The following TMC1 variants were observed in gnomAD, a reference collection of about 807,000 sequenced individuals.
TMC1 encodes transmembrane channel-like protein 1.
In TMC1, 84 loss-of-function variants were observed where a neutral mutation model predicts 105.8. The ratio of observed to expected loss-of-function variants is 0.79; its 90% CI spans 0.67 to 0.95. The LOEUF (loss-of-function observed/expected upper bound fraction) is 0.95, where lower values mean the gene tolerates loss of function less well. Among genes scored for constraint, TMC1 ranks in the 40% least tolerant of loss-of-function variants. The pLI, the probability that TMC1 is intolerant of heterozygous loss-of-function variation, is 0.00. For synonymous variants in TMC1, 315 were observed against 311.5 expected (o/e 1.01, Z -0.12); for missense variants, 817 against 914.1 (o/e 0.89, Z 1.37).
intron 12 of TMC1, among the ~76,000 whole-genome samples, chr9:72,758,498 A>G (rs1401060406): frequency 6.6e-6 from 1 of 152,238 alleles, no homozygotes; most frequent in African/African-American, 2.4e-5. Flanking sequence ...TTCAAATGAG[A>G]TGCTGTCTTG....
At chr9:72,828,913 T>G (rs1427337044) in intron 21 of TMC1, among the ~76,000 whole-genome samples, 1 of 152,220 alleles carries the variant, frequency 6.6e-6, no homozygotes, top group East Asian at 1.9e-4. Context: ...ATTAAGTAAT[T>G]ACTAATAATA....
intron 13 of TMC1, among the ~76,000 whole-genome samples, chr9:72,787,007 T>C (rs1211846997): frequency 6.6e-6 from 1 of 151,720 alleles, no homozygotes; most frequent in East Asian, 1.9e-4. Flanking sequence ...CTTTCAACCC[T>C]TTTGGCCTCC....
intron 1 of TMC1, among the ~76,000 whole-genome samples, chr9:72,569,515 G>A (rs536430690): frequency 6.6e-6 from 1 of 152,328 alleles, no homozygotes; most frequent in East Asian, 1.9e-4. Context: ...TAAGAATCAG[G>A]AAAGTTTTCA....
chr9:72,612,479 AT>A (rs34440125), intron 2 of TMC1, among the ~76,000 whole-genome samples: 63 of 147,022 alleles, frequency 4.3e-4, no homozygotes, highest in Admixed American at 1.6e-3. Context: ...CGGCCCAAAC[AT>A]TTTTTTTTTT....
At chr9:72,657,003 T>C (rs1250181080) in intron 5 of TMC1, among the ~76,000 whole-genome samples, 2 of 152,242 alleles carry the variant, frequency 1.3e-5, no homozygotes, top group Non-Finnish European at 2.9e-5. Context: ...GACACTGTTC[T>C]GCATACTCTT....
In TMC1 at chr9:72,820,838, C is replaced by G; in HGVS notation, c.1764-4C>G. ...AACTGAGCAGAGTTCTGTTTTCTTT[C>G]TAGGATGGGCTCCTTCTTTGCTCCC... On this transcript the variant is annotated splice_polypyrimidine_tract_variant and splice_region_variant and intron_variant, in intron 19 of 23. Coordinates refer to ENST00000297784, the MANE Select transcript of TMC1 (RefSeq NM_138691.3). 1 of 1,614,036 alleles carries G rather than the reference C, an allele frequency of 6.2e-7. No homozygotes were observed.
At chr9:72,599,827 A>G (rs567511556) in intron 2 of TMC1, among the ~76,000 whole-genome samples, 76 of 152,248 alleles carry the variant, frequency 5.0e-4, no homozygotes, top group Non-Finnish European at 9.3e-4. Context: ...AAAAAGAAAG[A>G]AAAAGAAAAA....
chr9:72,797,577 C>T (rs1011348634), intron 17 of TMC1, among the ~76,000 whole-genome samples: 2 of 152,082 alleles, frequency 1.3e-5, no homozygotes, highest in East Asian at 1.9e-4. Flanking sequence ...CAACTACAAC[C>T]ATCTGATCTT....
chr9:72,590,438 TG>T (rs1355594950), intron 2 of TMC1, among the ~76,000 whole-genome samples: 1 of 152,236 alleles, frequency 6.6e-6, no homozygotes, highest in Non-Finnish European at 1.5e-5. Flanking sequence ...CCAAGCTTCA[TG>T]GTTATGATCT....
intron 13 of TMC1, among the ~76,000 whole-genome samples, chr9:72,787,900 C>A (rs191925390): frequency 6.6e-6 from 1 of 152,212 alleles, no homozygotes; most frequent in Admixed American, 6.5e-5. Context: ...CATCCAGAGG[C>A]TTCAGATGGT....
chr9:72,590,439 G>C (rs901200222), intron 2 of TMC1, among the ~76,000 whole-genome samples: 3 of 152,172 alleles, frequency 2.0e-5, no homozygotes, highest in African/African-American at 7.2e-5. Flanking sequence ...CAAGCTTCAT[G>C]GTTATGATCT....
intron 1 of TMC1, among the ~76,000 whole-genome samples, chr9:72,543,466 T>C (rs1360958599): frequency 6.6e-6 from 1 of 152,214 alleles, no homozygotes; most frequent in Non-Finnish European, 1.5e-5. Context: ...TTTTCTGCAA[T>C]GCAGCCAGAA....
intron 1 of TMC1, among the ~76,000 whole-genome samples, chr9:72,529,912 C>G (rs182621041): frequency 1.3e-5 from 2 of 152,098 alleles, no homozygotes; most frequent in Admixed American, 6.6e-5. Context: ...AGGGTTCTGC[C>G]CGAGTTCTGA....
intron 17 of TMC1, among the ~76,000 whole-genome samples, chr9:72,793,746 G>A (rs960597637): frequency 6.6e-6 from 1 of 152,146 alleles, no homozygotes; most frequent in Admixed American, 6.5e-5. Context: ...CGGATGTGGG[G>A]TCCCAATATA....
chr9:72,667,735 T>C (rs1408340563), intron 5 of TMC1, among the ~76,000 whole-genome samples: 2 of 152,242 alleles, frequency 1.3e-5, no homozygotes, highest in African/African-American at 4.8e-5. Context: ...CCTATTGTTA[T>C]AAATCCCTGC....
chr9:72,595,865 G>T (rs1226996682), intron 2 of TMC1, among the ~76,000 whole-genome samples: 1 of 147,668 alleles, frequency 6.8e-6, no homozygotes, highest in African/African-American at 2.5e-5. Context: ...TAGTAGAGAT[G>T]GGGTTTCTTT....
At chr9:72,624,944 A>G (rs1209965724) in intron 3 of TMC1, among the ~76,000 whole-genome samples, 2 of 152,254 alleles carry the variant, frequency 1.3e-5, no homozygotes, top group Non-Finnish European at 2.9e-5. Context: ...GTACAAAAAC[A>G]GGAGAATGGA....
chr9:72,529,163 G>C (rs1051772942), intron 1 of TMC1, among the ~76,000 whole-genome samples: 6 of 149,838 alleles, frequency 4.0e-5, no homozygotes, highest in African/African-American at 1.5e-4. Context: ...CCGGTGGCGG[G>C]TGGGGCGGTG....
chr9:72,735,846 C>G (rs1389031824), intron 8 of TMC1, among the ~76,000 whole-genome samples: 1 of 152,128 alleles, frequency 6.6e-6, no homozygotes, highest in African/African-American at 2.4e-5. Context: ...AACAAATATT[C>G]TTGGTCCACC....
Sources: gnomAD v4.1 joint callset for allele counts (sites outside exome capture counted in the v4.1 genomes callset) on GRCh38, gnomAD v4.1.1 for gene constraint, MANE v1.5 for transcripts, NCBI Gene and HGNC (gene_info 2026-07-23, HGNC 2026-07-21) for gene names.